DIP2B: variants seen among roughly 807,000 people sequenced by gnomAD.
DIP2B encodes DIP2 acetate--CoA ligase B (putative).
In DIP2B, 76 loss-of-function variants were observed where a neutral mutation model predicts 198.0. That is an observed-to-expected ratio of 0.38 (90% CI 0.32 to 0.46). The LOEUF is 0.46. DIP2B is among the 20% of genes least tolerant of loss of function. The probability of loss-of-function intolerance (pLI) is 0.99; values close to 1 mark genes in which losing one functional copy is unlikely to be tolerated. For missense variants in DIP2B, 1,559 were observed against 1,978.4 expected, an observed-to-expected ratio of 0.79 and a Z score of 4.02; for synonymous variants, 701 against 739.1, an observed-to-expected ratio of 0.95 and a Z score of 0.84.
chr12:50,736,914 C>T (rs1435956456), intron 34 of DIP2B, 122 bp from the exon 35 acceptor site: 9 of 853,144 alleles, frequency 1.1e-5, no homozygotes, highest in Admixed American at 2.1e-5. Context: ...GCTGTGATGC[C>T]GCTACAGCTG....
At chr12:50,615,318 G>A (rs1326714643) in intron 1 of DIP2B, among the ~76,000 whole-genome samples, 1 of 151,920 alleles carries the variant, frequency 6.6e-6, no homozygotes, top group East Asian at 1.9e-4. Context: ...ACGTAGCACT[G>A]TTTTGTGCAT....
chr12:50,541,406 T>C (rs1356612300), intron 1 of DIP2B, among the ~76,000 whole-genome samples: 1 of 149,908 alleles, frequency 6.7e-6, no homozygotes, highest in African/African-American at 2.4e-5. Context: ...GAACATTCTT[T>C]TTTTTTTTTT....
chr12:50,606,632 A>C (rs982574617), intron 1 of DIP2B, among the ~76,000 whole-genome samples: 9 of 152,186 alleles, frequency 5.9e-5, no homozygotes, highest in Admixed American at 5.2e-4. Flanking sequence ...CATACAACTC[A>C]TATCAGGACC....
At chr12:50,716,261 G>T (rs1032085997) in intron 23 of DIP2B, among the ~76,000 whole-genome samples, 3 of 148,514 alleles carry the variant, frequency 2.0e-5, no homozygotes, top group Non-Finnish European at 3.0e-5. Flanking sequence ...ACTTAAAATT[G>T]TAGTAGACAC....
At chr12:50,511,289 C>CTTTTTTTTTTTTT (rs1316212138) in intron 1 of DIP2B, among the ~76,000 whole-genome samples, 4 of 20,932 alleles carry the variant, frequency 1.9e-4, no homozygotes, top group Non-Finnish European at 2.2e-4. Context: ...AGTGTGATTT[C>CTTTTTTTTTTTTT]TATTTTTTTT....
At chr12:50,569,818 A>T (rs1355064639) in intron 1 of DIP2B, among the ~76,000 whole-genome samples, 1 of 152,186 alleles carries the variant, frequency 6.6e-6, no homozygotes, top group East Asian at 1.9e-4. Flanking sequence ...TATTTTTATA[A>T]TTTTTAAGAG....
chr12:50,547,462 T>C (rs1958387632), intron 1 of DIP2B, among the ~76,000 whole-genome samples: 1 of 152,184 alleles, frequency 6.6e-6, no homozygotes, highest in South Asian at 2.1e-4. Context: ...TAGAGAGATA[T>C]TAATCGAAGT....
At chr12:50,583,191 C>G (rs767822962) in intron 1 of DIP2B, among the ~76,000 whole-genome samples, 59 of 152,130 alleles carry the variant, frequency 3.9e-4, no homozygotes, top group Non-Finnish European at 8.5e-4. Flanking sequence ...TCCTCAAACC[C>G]ACACACATGT....
intron 3 of DIP2B, among the ~76,000 whole-genome samples, chr12:50,659,354 A>G (rs188500720): frequency 6.6e-6 from 1 of 152,246 alleles, no homozygotes; most frequent in Admixed American, 6.5e-5. Flanking sequence ...TACTTTACAG[A>G]GCGGTATGGA....
chr12:50,693,049 T>G, intron 14 of DIP2B, 36 bp downstream of exon 14: 1 of 1,586,076 alleles, frequency 6.3e-7, no homozygotes, highest in Non-Finnish European at 8.6e-7. Flanking sequence ...TAGTGTAAAT[T>G]GTGCTTGAGA....
intron 22 of DIP2B, among the ~76,000 whole-genome samples, chr12:50,711,666 AT>A (rs1228671002): frequency 5.9e-5 from 9 of 152,086 alleles, no homozygotes; most frequent in African/African-American, 2.2e-4. Context: ...GTTTCAAGCA[AT>A]TCTCCTGCCT....
At chr12:50,631,848 A>T (rs1565851510) in intron 2 of DIP2B, among the ~76,000 whole-genome samples, 2 of 152,200 alleles carry the variant, frequency 1.3e-5, no homozygotes, top group African/African-American at 2.4e-5. Context: ...TTTGTTCATT[A>T]ACAATGTCCT....
intron 1 of DIP2B, among the ~76,000 whole-genome samples, chr12:50,616,004 G>A (rs1175529585): frequency 6.6e-6 from 1 of 152,154 alleles, no homozygotes; most frequent in Non-Finnish European, 1.5e-5. Flanking sequence ...TGCATTAGAT[G>A]GATTAATTTA....
chr12:50,690,441 C>T (rs561941398), intron 12 of DIP2B, among the ~76,000 whole-genome samples: 39 of 152,258 alleles, frequency 2.6e-4, no homozygotes, highest in African/African-American at 8.4e-4. Flanking sequence ...GTTCCAGCTA[C>T]TCAGGAGGCT....
intron 17 of DIP2B, 95 bp from the exon 18 acceptor site, chr12:50,698,233 G>A: frequency 1.4e-6 from 2 of 1,429,478 alleles, no homozygotes; most frequent in Non-Finnish European, 1.9e-6. Flanking sequence ...GAATTTTTTT[G>A]GTATTGTAGC....
chr12:50,672,636 A>G (rs943888041), intron 5 of DIP2B, among the ~76,000 whole-genome samples: 2 of 152,180 alleles, frequency 1.3e-5, no homozygotes, highest in African/African-American at 4.8e-5. Flanking sequence ...TTTTATCCAC[A>G]TTATTGCTTT....
intron 8 of DIP2B, 33 bp from the exon 9 acceptor site, chr12:50,680,639 T>C: frequency 6.3e-7 from 1 of 1,593,654 alleles, no homozygotes; most frequent in Admixed American, 1.7e-5. Flanking sequence ...TTTTTTTCTA[T>C]ATGACTGTTG....
intron 19 of DIP2B, among the ~76,000 whole-genome samples, chr12:50,702,601 T>TA (rs1396205471): frequency 2.6e-5 from 4 of 151,698 alleles, no homozygotes; most frequent in Non-Finnish European, 5.9e-5. Flanking sequence ...TTCACACCTG[T>TA]AGTCCCAGCT....
At position 50,737,420 on chromosome 12, in the gene DIP2B, C is replaced by T. The variant is rs553757432; in HGVS notation, c.4176+310C>T. Among the ~76,000 whole-genome samples the T allele has an allele frequency of 1.2e-3, 185 of 152,216 alleles. 1 individual carries two copies. The highest frequency in any genetic ancestry group is 4.2e-3 in the African/African-American group (175 of 41,528). ...GTATGAAACTGAAAGGAGTCACATA[C>T]TTACAAATTTTTAAGGTCATTCAGA... On this transcript the variant is annotated intron_variant, in intron 35 of 37. Transcript: ENST00000301180.
Sources: allele counts gnomAD v4.1 joint callset (sites outside exome capture counted in the v4.1 genomes callset), GRCh38; gene constraint gnomAD v4.1.1; transcripts MANE v1.5; gene names NCBI Gene and HGNC (gene_info 2026-07-23, HGNC 2026-07-21).